STPG2: variants seen among roughly 807,000 people sequenced by gnomAD.
STPG2 encodes sperm tail PG-rich repeat containing 2, also known as sperm-tail PG-rich repeat-containing protein 2.
A neutral mutation model predicts 54.2 loss-of-function variants in STPG2; 56 were observed. The observed-to-expected ratio is 1.03, with a 90% CI of 0.83 to 1.29. STPG2 has a LOEUF of 1.29. Among genes scored for constraint, STPG2 ranks in the 50% most tolerant of loss-of-function variants. STPG2 has a pLI of 0.00. For synonymous variants in STPG2, 200 were observed against 181.8 expected (o/e 1.10, Z -0.81); for missense variants, 596 against 544.9 (o/e 1.09, Z -0.93).
At chr4:97,906,408 T>A (rs534577334) in intron 8 of STPG2, among the ~76,000 whole-genome samples, 2 of 152,148 alleles carry the variant, frequency 1.3e-5, no homozygotes, top group Non-Finnish European at 2.9e-5. Flanking sequence ...CAGGACCAGA[T>A]GGATTCACAG....
At chr4:97,580,365 A>AT (rs1195988564) in intron 10 of STPG2, among the ~76,000 whole-genome samples, 2 of 151,974 alleles carry the variant, frequency 1.3e-5, no homozygotes, top group Non-Finnish European at 2.9e-5. Context: ...AGACATAAAG[A>AT]TTATCTGACA....
intron 7 of STPG2, among the ~76,000 whole-genome samples, chr4:97,967,033 C>G (rs949578948): frequency 3.9e-5 from 6 of 152,032 alleles, no homozygotes; most frequent in Non-Finnish European, 8.8e-5. Flanking sequence ...TGTAAATGGG[C>G]TGAATGCCCC....
At chr4:97,616,358 C>G (rs1231225912) in intron 10 of STPG2, among the ~76,000 whole-genome samples, 3 of 151,712 alleles carry the variant, frequency 2.0e-5, no homozygotes, top group African/African-American at 7.3e-5. Flanking sequence ...TACTTCCTGT[C>G]TAACTTTTCA....
At chr4:97,561,767 T>A (rs936404693) in intron 10 of STPG2, among the ~76,000 whole-genome samples, 7 of 152,182 alleles carry the variant, frequency 4.6e-5, no homozygotes, top group Non-Finnish European at 1.0e-4. Context: ...GCAGCGTTAT[T>A]TCTGGGGGCT....
chr4:97,978,068 T>TCATC (rs1344198709), intron 6 of STPG2, among the ~76,000 whole-genome samples: 1 of 152,190 alleles, frequency 6.6e-6, no homozygotes, highest in African/African-American at 2.4e-5. Flanking sequence ...ATAGTTCCTT[T>TCATC]CATCCATGTG....
At chr4:97,518,396 C>T (rs1407899938) in intron 4 of STPG2, among the ~76,000 whole-genome samples, 2 of 152,172 alleles carry the variant, frequency 1.3e-5, no homozygotes, top group East Asian at 3.9e-4. Flanking sequence ...AGGGCAGATA[C>T]ATTCAAGTAT....
chr4:97,983,492 T>C (rs577746990), intron 5 of STPG2, among the ~76,000 whole-genome samples: 2 of 152,306 alleles, frequency 1.3e-5, no homozygotes, highest in East Asian at 1.9e-4. Flanking sequence ...ATTATCCACA[T>C]TGACTCATGA....
intron 4 of STPG2, among the ~76,000 whole-genome samples, chr4:97,449,198 T>TA (rs1228509628): frequency 4.6e-5 from 7 of 152,182 alleles, no homozygotes; most frequent in East Asian, 1.9e-4. Flanking sequence ...AAATTTCTTT[T>TA]AAAAAAAGCA....
intron 10 of STPG2, among the ~76,000 whole-genome samples, chr4:97,600,701 G>T (rs913407977): frequency 6.6e-6 from 1 of 152,088 alleles, no homozygotes; most frequent in African/African-American, 2.4e-5. Flanking sequence ...ACAAAAAATA[G>T]CTATAGCACA....
chr4:97,827,533 C>T (rs550864487), intron 9 of STPG2, among the ~76,000 whole-genome samples: 1 of 152,140 alleles, frequency 6.6e-6, no homozygotes, highest in Non-Finnish European at 1.5e-5. Flanking sequence ...CTGCACCCGG[C>T]CTAGACAGCT....
chr4:97,474,413 G>T (rs60101969), intron 4 of STPG2, among the ~76,000 whole-genome samples: 3,450 of 152,192 alleles, frequency 0.023, 112 homozygotes, highest in African/African-American at 0.078. Flanking sequence ...GATTCCTGTG[G>T]GATGGTCATT....
At chr4:97,901,112 T>C (rs1334488521) in intron 8 of STPG2, among the ~76,000 whole-genome samples, 1 of 151,930 alleles carries the variant, frequency 6.6e-6, no homozygotes, top group Non-Finnish European at 1.5e-5. Context: ...ATGGAAGACT[T>C]GAATAACAGA....
At chr4:97,823,898 T>C (rs550419258) in intron 9 of STPG2, among the ~76,000 whole-genome samples, 1 of 152,166 alleles carries the variant, frequency 6.6e-6, no homozygotes, top group Non-Finnish European at 1.5e-5. Flanking sequence ...TGACTGAACC[T>C]GGGTTTGAGA....
intron 10 of STPG2, among the ~76,000 whole-genome samples, chr4:97,624,735 A>G (rs1471216741): frequency 6.6e-6 from 1 of 152,120 alleles, no homozygotes; most frequent in Non-Finnish European, 1.5e-5. Flanking sequence ...ATTGTCTTCT[A>G]GGGCTTTTAT....
At chr4:97,539,504 A>G (rs1422460863) in intron 4 of STPG2, among the ~76,000 whole-genome samples, 1 of 152,260 alleles carries the variant, frequency 6.6e-6, no homozygotes, top group Non-Finnish European at 1.5e-5. Flanking sequence ...TATCGTAAAT[A>G]TTTATGCACC....
At chr4:98,054,330 T>C (rs1207622643) in intron 5 of STPG2, among the ~76,000 whole-genome samples, 2 of 152,170 alleles carry the variant, frequency 1.3e-5, no homozygotes, top group Non-Finnish European at 2.9e-5. Context: ...TTTTACAATT[T>C]ACTCCAAAGA....
At chr4:97,907,396 T>A (rs1410261437) in intron 8 of STPG2, among the ~76,000 whole-genome samples, 1 of 152,232 alleles carries the variant, frequency 6.6e-6, no homozygotes. Flanking sequence ...GAATAATCCA[T>A]GTTCATGGGT....
intron 5 of STPG2, among the ~76,000 whole-genome samples, chr4:98,038,658 A>G (rs906266297): frequency 1.3e-5 from 2 of 152,104 alleles, no homozygotes; most frequent in African/African-American, 4.8e-5. Context: ...TTCTCAAAAA[A>G]GATACCAAAA....
intron 5 of STPG2, among the ~76,000 whole-genome samples, chr4:98,045,984 A>ATG (rs1737112663): frequency 1.8e-5 from 1 of 56,398 alleles, no homozygotes; most frequent in Non-Finnish European, 4.1e-5. Context: ...AATTCAAATA[A>ATG]TGTATACATT....
Sources: allele counts gnomAD v4.1 joint callset (sites outside exome capture counted in the v4.1 genomes callset), GRCh38; gene constraint gnomAD v4.1.1; transcripts MANE v1.5; gene names NCBI Gene and HGNC (gene_info 2026-07-23, HGNC 2026-07-21).